SPMIP6: variants seen among roughly 807,000 people sequenced by gnomAD.
SPMIP6 encodes the protein ciliated bronchial epithelial protein 1.
the SPMIP6 span, chr9:34,397,518 G>T: frequency 6.2e-7 from 1 of 1,614,150 alleles, no homozygotes; most frequent in Non-Finnish European, 8.5e-7. Context: ...AAACTTGTTG[G>T]CTTCCCAGGC....
At chr9:34,391,684 G>C in the SPMIP6 span, among the ~76,000 whole-genome samples, 1 of 152,022 alleles carries the variant, frequency 6.6e-6, no homozygotes, top group South Asian at 2.1e-4. Context: ...TTATCTTTTT[G>C]TTGTTGATCT....
the SPMIP6 span, among the ~76,000 whole-genome samples, chr9:34,384,485 CG>C: frequency 6.6e-6 from 1 of 152,072 alleles, no homozygotes; most frequent in African/African-American, 2.4e-5. Flanking sequence ...AACAACAAAA[CG>C]AGTAGAGAGT....
At chr9:34,391,282 A>G in the SPMIP6 span, among the ~76,000 whole-genome samples, 1 of 151,782 alleles carries the variant, frequency 6.6e-6, no homozygotes, top group Non-Finnish European at 1.5e-5. Context: ...CCCTTCTTTT[A>G]TTTGTCTGTG....
At chr9:34,386,321 C>T in the SPMIP6 span, among the ~76,000 whole-genome samples, 3 of 152,122 alleles carry the variant, frequency 2.0e-5, no homozygotes, top group Non-Finnish European at 4.4e-5. Flanking sequence ...CCCGGCTGGG[C>T]GTGGTGACTC....
At chr9:34,392,487 A>C in the SPMIP6 span, among the ~76,000 whole-genome samples, 1 of 135,350 alleles carries the variant, frequency 7.4e-6, no homozygotes, top group Admixed American at 7.4e-5. This position sits in a 1 kb window ranked among gnomAD's most constrained non-coding sequence, Gnocchi z 4.6. Context: ...TTAATCTGAA[A>C]ATCTCTTTTG....
At chr9:34,391,097 A>G in the SPMIP6 span, among the ~76,000 whole-genome samples, 2 of 152,180 alleles carry the variant, frequency 1.3e-5, no homozygotes, top group Non-Finnish European at 2.9e-5. Flanking sequence ...AAAGTTTTCA[A>G]ATTACTGGTT....
At chr9:34,380,223 GTTCTCC>G in the SPMIP6 span, among the ~76,000 whole-genome samples, 6 of 152,192 alleles carry the variant, frequency 3.9e-5, no homozygotes, top group African/African-American at 1.4e-4. Flanking sequence ...CGCGGACAAA[GTTCTCC>G]CAGGCTTGGC....
the SPMIP6 span, among the ~76,000 whole-genome samples, chr9:34,380,032 A>G: frequency 6.6e-6 from 1 of 152,210 alleles, no homozygotes; most frequent in Non-Finnish European, 1.5e-5. Flanking sequence ...ACTGGACAGC[A>G]ATTTCTCCAG....
the SPMIP6 span, among the ~76,000 whole-genome samples, chr9:34,393,943 AT>A: frequency 6.6e-6 from 1 of 152,014 alleles, no homozygotes; most frequent in African/African-American, 2.4e-5. Context: ...TTGCCTACTC[AT>A]TTTTTAATAA....
the SPMIP6 span, among the ~76,000 whole-genome samples, chr9:34,383,457 G>A: frequency 2.6e-5 from 4 of 152,232 alleles, no homozygotes; most frequent in Admixed American, 2.6e-4. Context: ...CAGGGAGGCA[G>A]ATGTTTCAGT....
the SPMIP6 span, chr9:34,381,894 C>T: frequency 1.3e-5 from 8 of 624,692 alleles, no homozygotes; most frequent in East Asian, 1.4e-4. The surrounding 1 kb of genome is among the most constrained non-coding windows in gnomAD (Gnocchi z 4.4). Context: ...TTAAGAGCCC[C>T]GGCTCTGGTT....
the SPMIP6 span, chr9:34,380,879 G>A: frequency 6.6e-7 from 1 of 1,506,300 alleles, no homozygotes; most frequent in East Asian, 2.4e-5. Flanking sequence ...CGGCTGAGGC[G>A]GGCGGAGCCC....
the SPMIP6 span, chr9:34,397,412 GC>G: frequency 7.0e-7 from 1 of 1,425,718 alleles, no homozygotes; most frequent in Non-Finnish European, 9.9e-7. Context: ...CATACACAAA[GC>G]TACAAATCAT....
chr9:34,380,215 C>T, the SPMIP6 span, among the ~76,000 whole-genome samples: 1 of 152,214 alleles, frequency 6.6e-6, no homozygotes, highest in Non-Finnish European at 1.5e-5. Context: ...TGGGCTACCG[C>T]GGACAAAGTT....
chr9:34,384,244 G>A, the SPMIP6 span, among the ~76,000 whole-genome samples: 240 of 152,278 alleles, frequency 1.6e-3, 5 homozygotes, highest in Admixed American at 0.012. Context: ...GGACAAATCT[G>A]GAAATTAGGA....
At chr9:34,394,953 C>T in the SPMIP6 span, among the ~76,000 whole-genome samples, 5 of 149,434 alleles carry the variant, frequency 3.3e-5, no homozygotes, top group Admixed American at 2.0e-4. Context: ...AAAGCAGCAG[C>T]TTTTCCTTCA....
At chr9:34,392,776 C>T in the SPMIP6 span, among the ~76,000 whole-genome samples, 4 of 152,156 alleles carry the variant, frequency 2.6e-5, no homozygotes, top group African/African-American at 9.7e-5. This position sits in a 1 kb window ranked among gnomAD's most constrained non-coding sequence, Gnocchi z 4.6. Context: ...GTCGAATTTG[C>T]ATCTGTCTCA....
chr9:34,381,327 C>G, the SPMIP6 span: 2 of 1,613,512 alleles, frequency 1.2e-6, no homozygotes, highest in Non-Finnish European at 1.7e-6. The surrounding 1 kb of genome is among the most constrained non-coding windows in gnomAD (Gnocchi z 4.4). Context: ...TTCCCCAACC[C>G]TCTCCACCCG....
the SPMIP6 span, chr9:34,381,530 C>T: frequency 2.5e-6 from 4 of 1,581,674 alleles, no homozygotes; most frequent in Non-Finnish European, 3.4e-6. The surrounding 1 kb of genome is among the most constrained non-coding windows in gnomAD (Gnocchi z 4.4). Context: ...CCAGACCTAT[C>T]GCCACGCCGC....
Sources: allele counts gnomAD v4.1 joint callset (sites outside exome capture counted in the v4.1 genomes callset), GRCh38; gene constraint gnomAD v4.1.1; non-coding constraint Gnocchi (gnomAD v3.1); transcripts MANE v1.5; gene names NCBI Gene and HGNC (gene_info 2026-07-23, HGNC 2026-07-21).